Variants in KHDRBS2 observed in about 807,000 individuals in gnomAD.
KHDRBS2 encodes the protein KH domain-containing, RNA-binding, signal transduction-associated protein 2.
KHDRBS2 carries 26 observed loss-of-function variants against 44.3 expected under a neutral mutation model. The observed-to-expected ratio is 0.59, with a 90% CI of 0.43 to 0.81. The LOEUF is 0.81. Among genes scored for constraint, KHDRBS2 ranks in the 40% least tolerant of loss-of-function variants. The pLI is 0.00. For synonymous variants in KHDRBS2, 194 were observed against 151.1 expected (o/e 1.28, Z -2.08); for missense variants, 476 against 433.1 (o/e 1.10, Z -0.88).
chr6:61,867,214 T>C (rs1451928574), intron 6 of KHDRBS2, among the ~76,000 whole-genome samples: 1 of 152,210 alleles, frequency 6.6e-6, no homozygotes, highest in African/African-American at 2.4e-5. Flanking sequence ...CTCATAATCA[T>C]GGCCAAGGGC....
chr6:62,061,196 G>T (rs1476181236), intron 2 of KHDRBS2, among the ~76,000 whole-genome samples: 1 of 151,290 alleles, frequency 6.6e-6, no homozygotes, highest in Non-Finnish European at 1.5e-5. Flanking sequence ...ATTGTTATGT[G>T]TGAATTTGAT....
intron 4 of KHDRBS2, among the ~76,000 whole-genome samples, chr6:61,957,897 T>C (rs1489431852): frequency 6.6e-6 from 1 of 152,096 alleles, no homozygotes; most frequent in African/African-American, 2.4e-5. Flanking sequence ...TGACATGTGA[T>C]GTTTCCCCGG....
chr6:61,621,119 T>TG, the KHDRBS2 span, among the ~76,000 whole-genome samples: 209 of 152,286 alleles, frequency 1.4e-3, no homozygotes, highest in African/African-American at 4.7e-3. Flanking sequence ...ACTGCCCAGC[T>TG]GGCATGAAGG....
chr6:61,824,282 A>G (rs1790489478), intron 6 of KHDRBS2, among the ~76,000 whole-genome samples: 1 of 151,948 alleles, frequency 6.6e-6, no homozygotes, highest in Non-Finnish European at 1.5e-5. Flanking sequence ...TGTTTTTCTA[A>G]TGGTTTTGAA....
At chr6:62,078,451 A>G (rs1203515816) in intron 2 of KHDRBS2, among the ~76,000 whole-genome samples, 1 of 152,010 alleles carries the variant, frequency 6.6e-6, no homozygotes, top group African/African-American at 2.4e-5. Flanking sequence ...CAAATTTTAT[A>G]GTACAAAAAT....
In KHDRBS2 at chr6:61,797,550, C is replaced by A. The variant is rs1415331387; in HGVS notation, c.811-64786G>T. 3.3e-5 allele frequency among the ~76,000 whole-genome samples: 5 copies of A among 151,974 alleles called. No homozygotes were observed. In the East Asian group the frequency reaches 9.6e-4, roughly 29 times the overall value. ...TCTGCAAAATATGTAAGTGCTTTTC[C>A]CCTTCTACTGCTGGCCTCTGAACTG... is the stretch of plus-strand genomic sequence containing the variant. On this transcript the variant is annotated intron_variant, in intron 6 of 8. Coordinates refer to ENST00000281156, the MANE Select transcript of KHDRBS2 (RefSeq NM_152688.4).
At chr6:62,117,455 G>A (rs771106926) in intron 2 of KHDRBS2, among the ~76,000 whole-genome samples, 44 of 151,916 alleles carry the variant, frequency 2.9e-4, no homozygotes, top group Non-Finnish European at 7.4e-5. Context: ...AATTATTTGT[G>A]ACTTTTTGCT....
chr6:61,566,587 C>A, the KHDRBS2 span, among the ~76,000 whole-genome samples: 8 of 151,986 alleles, frequency 5.3e-5, no homozygotes, highest in Admixed American at 4.6e-4. Context: ...TGACCTACGC[C>A]CAGGAATGAA....
intron 3 of KHDRBS2, among the ~76,000 whole-genome samples, chr6:62,035,027 G>T (rs1378627837): frequency 6.6e-6 from 1 of 151,958 alleles, no homozygotes; most frequent in Non-Finnish European, 1.5e-5. Context: ...GGGAAGCTTT[G>T]TACACCTTTG....
rs559418317 is a variant in KHDRBS2, at chr6:62,112,059, G to C, written c.220-64065C>G. ...CATTTACTGGAAATTATTTTTAACT[G>C]ATACGTGAAAAATTAAGACCATAGT... On this transcript the variant is annotated intron_variant, in intron 2 of 8. Coordinates refer to ENST00000281156, the MANE Select transcript of KHDRBS2 (RefSeq NM_152688.4). Among the ~76,000 whole-genome samples the C allele has an allele frequency of 3.3e-5, 5 of 152,172 alleles. No individual in the cohort carries two copies. The South Asian group carries it at 1.0e-3, about 32-fold the overall frequency.
At chr6:62,169,299 G>A (rs530216627) in intron 2 of KHDRBS2, among the ~76,000 whole-genome samples, 38 of 151,098 alleles carry the variant, frequency 2.5e-4, no homozygotes, top group African/African-American at 8.5e-4. Flanking sequence ...TAGGCAGTGC[G>A]CCTAGAATCA....
At chr6:61,890,327 C>G (rs1226635681) in intron 6 of KHDRBS2, among the ~76,000 whole-genome samples, 1 of 152,138 alleles carries the variant, frequency 6.6e-6, no homozygotes, top group East Asian at 1.9e-4. Context: ...AAGGAACATA[C>G]TCACCTCTTA....
intron 6 of KHDRBS2, among the ~76,000 whole-genome samples, chr6:61,876,691 C>T (rs538255988): frequency 1.1e-3 from 173 of 151,978 alleles, no homozygotes; most frequent in Non-Finnish European, 2.1e-3. Context: ...ATTAAAAGGA[C>T]GGGAGGAGCT....
At chr6:61,921,497 A>AT (rs1433324663) in intron 4 of KHDRBS2, among the ~76,000 whole-genome samples, 1 of 151,990 alleles carries the variant, frequency 6.6e-6, no homozygotes, top group Non-Finnish European at 1.5e-5. Context: ...TTGTTATTAC[A>AT]TTTTTTAAAA....
the KHDRBS2 span, among the ~76,000 whole-genome samples, chr6:61,578,269 A>T: frequency 6.6e-6 from 1 of 152,152 alleles, no homozygotes; most frequent in African/African-American, 2.4e-5. Flanking sequence ...ACATTTTGTC[A>T]GGTGTTTGTG....
chr6:62,224,714 T>C (rs1831473635), intron 1 of KHDRBS2, among the ~76,000 whole-genome samples: 1 of 152,170 alleles, frequency 6.6e-6, no homozygotes, highest in South Asian at 2.1e-4. Context: ...AAGAGCACAG[T>C]GTTTAAGAGT....
At chr6:61,666,811 C>G in the KHDRBS2 span, among the ~76,000 whole-genome samples, 3 of 151,226 alleles carry the variant, frequency 2.0e-5, no homozygotes, top group African/African-American at 7.3e-5. Flanking sequence ...TTTCTGGGTC[C>G]TTGCAATGCA....
At position 62,170,562 on chromosome 6, in the gene KHDRBS2, C is replaced by T. The variant is rs114012586; in HGVS notation, c.219+6623G>A. ...TAAGTGCCACCTACTGGACTGTGGCCAAAAAATACAGGACTGAAATATTTT... is the reference window on the plus strand; with the variant it reads ...TAAGTGCCACCTACTGGACTGTGGCTAAAAAATACAGGACTGAAATATTTT... On this transcript the variant is annotated intron_variant, in intron 2 of 8. Transcript: ENST00000281156. Among the ~76,000 whole-genome samples, 145 of 152,146 alleles carry T rather than the reference C, an allele frequency of 9.5e-4. 1 individual carries two copies. The highest frequency in any genetic ancestry group is 3.3e-3 in the African/African-American group (138 of 41,532).
intron 6 of KHDRBS2, among the ~76,000 whole-genome samples, chr6:61,851,077 C>T (rs1355272708): frequency 6.6e-6 from 1 of 152,016 alleles, no homozygotes; most frequent in Non-Finnish European, 1.5e-5. Flanking sequence ...GTTGGTCACT[C>T]ATCTCCATTT....
Sources: allele counts gnomAD v4.1 joint callset (sites outside exome capture counted in the v4.1 genomes callset), GRCh38; gene constraint gnomAD v4.1.1; transcripts MANE v1.5; gene names NCBI Gene and HGNC (gene_info 2026-07-23, HGNC 2026-07-21).